Variants in USP36 observed in about 807,000 individuals in gnomAD.
USP36 encodes ubiquitin carboxyl-terminal hydrolase 36.
Under a neutral mutation model 111.5 loss-of-function variants are expected in USP36, and 59 were observed. The ratio of observed to expected loss-of-function variants is 0.53; its 90% CI spans 0.43 to 0.66. The LOEUF (loss-of-function observed/expected upper bound fraction) is 0.66. Among genes scored for constraint, USP36 ranks in the 30% least tolerant of loss-of-function variants. The pLI, the probability that USP36 is intolerant of heterozygous loss-of-function variation, is 0.00. For missense variants in USP36, 1,488 were observed against 1,468.0 expected (o/e 1.01, Z -0.22); for synonymous variants, 628 against 581.0 (o/e 1.08, Z -1.16).
chr17:78,836,493 G>T, intron 2 of USP36, 121 bp from the exon 3 acceptor site: 1 of 1,301,428 alleles, frequency 7.7e-7, no homozygotes, highest in Non-Finnish European at 1.0e-6. Context: ...CCCTGGATCA[G>T]TGATCCCCTG....
intron 13 of USP36, among the ~76,000 whole-genome samples, chr17:78,807,896 G>C (rs983248843): frequency 4.6e-5 from 7 of 152,180 alleles, no homozygotes; most frequent in South Asian, 2.1e-4. Context: ...CAGAGATGGG[G>C]TTTCACCATG....
intron 3 of USP36, among the ~76,000 whole-genome samples, chr17:78,790,041 C>G (rs557922715): frequency 9.2e-5 from 14 of 152,308 alleles, no homozygotes; most frequent in South Asian, 6.2e-4. Context: ...AGTGCTAGGC[C>G]TTGCCAAGAG....
chr17:78,800,483 A>G (rs1219301205), intron 17 of USP36, among the ~76,000 whole-genome samples: 1 of 152,176 alleles, frequency 6.6e-6, no homozygotes, highest in Non-Finnish European at 1.5e-5. Context: ...CTAGCCACAT[A>G]GCCCCTGGAA....
rs770819423 is a variant in USP36 at position 78,806,214 on chromosome 17, G to GGGTGAGGTCGGAGGATGGTGAGGGGGGA, written c.2130_2157dup (p.His720SerfsTer27). 1 of 1,613,788 alleles carries GGGTGAGGTCGGAGGATGGTGAGGGGGGA rather than the reference G, an allele frequency of 6.2e-7. No individual in the cohort carries two copies. ...ACGGGGTGAGAGGTTTTCATGGGGT[G>GGGTGAGGTCGGAGGATGGTGAGGGGGGA]GGTGAGGTCGGAGGATGGTGAGGGG... is the stretch of plus-strand genomic sequence containing the variant. On this transcript the variant is annotated frameshift_variant, in exon 15 of 21. Transcript: ENST00000449938. LOFTEE classifies it high-confidence loss of function.
intron 3 of USP36, among the ~76,000 whole-genome samples, chr17:78,789,970 T>C (rs1190921214): frequency 1.3e-5 from 2 of 152,270 alleles, no homozygotes; most frequent in African/African-American, 2.4e-5. Context: ...TCACAAAGTA[T>C]GCTGCCTTCA....
chr17:78,818,593 A>G (rs911102070), intron 10 of USP36, 74 bp downstream of exon 10: 2 of 1,338,600 alleles, frequency 1.5e-6, no homozygotes, highest in African/African-American at 1.4e-5. Flanking sequence ...ACTCGTGGCT[A>G]TCACTTTCTT....
At position 78,812,864 on chromosome 17, in the gene USP36, C is replaced by T; in HGVS notation, c.1403G>A (p.Gly468Glu). Residue 468 changes from glycine (G) to glutamate (E), a missense_variant, in exon 13 of 21, where the codon GGA (glycine) becomes GAA (glutamate). Gly to Glu is a moderately conservative substitution (Grantham distance 98). This residue lies in a region of USP36 where 1,073 missense variants were observed against 994.1 expected (regional missense o/e 1.08). Coordinates refer to ENST00000449938, the MANE Select transcript of USP36 (RefSeq NM_001385174.1). ...GNGIISSPLT[G>E]KRQDSGTMKK... is the part of the protein sequence containing the mutation. ...CTCCATCATTCTCACAAATACCTTT[C>T]CAGTCAGTGGGGAGGAAATAATCCC... The T allele has an allele frequency of 6.2e-7, 1 of 1,613,296 alleles. No individual in the cohort carries two copies. Among genetic ancestry groups the T allele is most frequent in the Non-Finnish European group, 8.5e-7 (1 of 1,179,932 alleles).
At position 78,802,313 on chromosome 17, in the gene USP36, C is replaced by T. The variant is rs780241516; in HGVS notation, c.3022+11G>A. ...ACCCATGCGGTTCCCACCCCCTCGC[C>T]CGGTGCATACCCATGCGGTCCCCAG... On this transcript the variant is annotated intron_variant, in intron 17 of 20. Transcript: ENST00000449938. 1.5e-5 allele frequency: 23 copies of T among 1,559,370 alleles called. No individual in the cohort carries two copies. In the South Asian group the frequency reaches 2.0e-4, roughly 13 times the overall value.
chr17:78,807,753 A>C, intron 13 of USP36, 117 bp from the exon 14 acceptor site: 19 of 1,019,394 alleles, frequency 1.9e-5, no homozygotes, highest in Non-Finnish European at 2.3e-5. Flanking sequence ...TAGCATGCTC[A>C]AGATAAATTA....
In USP36 at chr17:78,826,982, TGC is replaced by T. The variant is rs2067603073; in HGVS notation, c.689+261_689+262del. ...CCTGACTGAGCTGCTCAGACACAGC[TGC>T]CGCCACCACAGCCACCCGATCCTAC... On this transcript the variant is annotated intron_variant, in intron 6 of 20. Transcript: ENST00000449938. 7 of 639,502 alleles carry T rather than the reference TGC, an allele frequency of 1.1e-5. No homozygotes were observed. In the South Asian group the frequency reaches 1.2e-4, roughly 11 times the overall value. The allele number at this position is 639,502 out of a possible 1,614,324, so 39.6% of individuals were successfully genotyped here.
rs747771918 is a variant in USP36 at position 78,803,545 on chromosome 17, C to T, written c.2650G>A (p.Ala884Thr). The T allele has an allele frequency of 2.5e-5, 41 of 1,613,546 alleles. No individual in the cohort carries two copies. The highest frequency in any genetic ancestry group is 1.7e-5 in the Non-Finnish European group (20 of 1,180,040). Residue 884 changes from alanine (A) to threonine (T), a missense_variant, in exon 16 of 21, where the codon GCT becomes ACT. Physicochemically the swap from Ala to Thr is moderately conservative, Grantham distance 58. This residue lies in a region of USP36 where 1,073 missense variants were observed against 994.1 expected (regional missense o/e 1.08). Coordinates refer to ENST00000449938, the MANE Select transcript of USP36 (RefSeq NM_001385174.1). The surrounding 1 kb of genome is among the most constrained non-coding windows in gnomAD (Gnocchi z 4.6). The stretch of plus-strand genomic sequence containing the variant: ...GTGCCATCTTCCTGCCGTCTGACAG[C>T]GGGCAGCTGTGCCTGGCCCTCCCTC... Reference protein sequence around the residue: ...YRREGQAQLPAVRRQEDGTQP... With the variant: ...YRREGQAQLPTVRRQEDGTQP...
intron 16 of USP36, among the ~76,000 whole-genome samples, chr17:78,802,745 C>T (rs1439688348): frequency 1.3e-5 from 2 of 152,156 alleles, no homozygotes; most frequent in Admixed American, 6.5e-5. Context: ...TCGCGTTTCC[C>T]ATCCTAACTG....
chr17:78,805,427 T>C (rs1254626298), intron 15 of USP36, among the ~76,000 whole-genome samples: 2 of 152,286 alleles, frequency 1.3e-5, no homozygotes, highest in African/African-American at 4.8e-5. Flanking sequence ...CGCACAGTCA[T>C]ACCTCGCCCT....
Position 78,807,269 on chromosome 17 carries a change from T to C in USP36, c.1775A>G (p.Asn592Ser). The C allele has an allele frequency of 6.2e-7, 1 of 1,614,134 alleles. No individual in the cohort carries two copies. Among genetic ancestry groups the C allele is most frequent in the South Asian group, 1.1e-5 (1 of 91,080 alleles). ...SPKLLATATA[N>S]GHGLKGNDES... ...GTCGTTCCCCTTCAGCCCATGCCCG[T>C]TGGCAGTGGCTGTAGCCAGGAGCTT... Residue 592 changes from asparagine to serine, a missense_variant, in exon 14 of 21, where the codon AAC becomes AGC. By Grantham distance (46) the Asn-to-Ser change is conservative. Coordinates refer to ENST00000449938, the MANE Select transcript of USP36 (RefSeq NM_001385174.1).
intron 4 of USP36, among the ~76,000 whole-genome samples, chr17:78,831,978 A>G (rs2068169655): frequency 6.6e-6 from 1 of 151,700 alleles, no homozygotes; most frequent in Non-Finnish European, 1.5e-5. Flanking sequence ...TTTCAGCCTA[A>G]TAAAATATCA....
intron 13 of USP36, among the ~76,000 whole-genome samples, chr17:78,812,444 C>T (rs1382448825): frequency 6.6e-6 from 1 of 152,034 alleles, no homozygotes; most frequent in African/African-American, 2.4e-5. Flanking sequence ...AATCCCAGCA[C>T]TTTGGGAGGC....
intron 6 of USP36, among the ~76,000 whole-genome samples, chr17:78,823,459 G>A (rs972636409): frequency 6.6e-6 from 1 of 152,158 alleles, no homozygotes; most frequent in African/African-American, 2.4e-5. Flanking sequence ...CCTTCCCCAG[G>A]AGGAGGAAAG....
Position 78,833,079 on chromosome 17 carries a change from C to T in USP36, c.475+2201G>A, listed in dbSNP as rs1020811116. Among the ~76,000 whole-genome samples the T allele has an allele frequency of 2.0e-5, 3 of 150,748 alleles. 1 individual carries two copies. The highest frequency in any genetic ancestry group is 3.0e-5 in the Non-Finnish European group (2 of 67,732). On this transcript the variant is annotated intron_variant, in intron 4 of 20. Coordinates refer to ENST00000449938, the MANE Select transcript of USP36 (RefSeq NM_001385174.1). ...AGGAGACTCTCTTGAACACAGGAGG[C>T]GGGGGTTGCAGTGAGCCGAGATTGC...
chr17:78,831,218 T>C, intron 4 of USP36, among the ~76,000 whole-genome samples: 2 of 71,672 alleles, frequency 2.8e-5, no homozygotes, highest in Non-Finnish European at 2.3e-5. Context: ...AGAGTGAAAC[T>C]CCATCTCAAA....
Sources: gnomAD v4.1 joint callset for allele counts (sites outside exome capture counted in the v4.1 genomes callset) on GRCh38, gnomAD v4.1.1 for gene constraint, gnomAD v4.1.1 regional missense constraint, Gnocchi (gnomAD v3.1) non-coding constraint, MANE v1.5 for transcripts, NCBI Gene and HGNC (gene_info 2026-07-23, HGNC 2026-07-21) for gene names.